Variants in SERPINE2 observed in about 807,000 individuals in gnomAD.
SERPINE2 encodes the protein serpin family E member 2.
Under a neutral mutation model 36.3 loss-of-function variants are expected in SERPINE2, and 14 were observed. The observed-to-expected ratio is 0.39, with a 90% CI of 0.25 to 0.60. The LOEUF is 0.60. Among genes scored for constraint, SERPINE2 ranks in the 20% least tolerant of loss-of-function variants. SERPINE2 has a pLI of 0.57. For synonymous variants in SERPINE2, 192 were observed against 191.8 expected, an observed-to-expected ratio of 1.00 and a Z score of -0.01; for missense variants, 418 against 499.6, an observed-to-expected ratio of 0.84 and a Z score of 1.56.
Position 223,977,660 on chromosome 2 carries a change from A to G in SERPINE2, c.1073-33T>C, listed in dbSNP as rs376730101. On this transcript the variant is annotated intron_variant, in intron 7 of 8. Coordinates refer to ENST00000409304, the MANE Select transcript of SERPINE2 (RefSeq NM_001136528.2). ...AAGAAAAGGAAAATGTGTTGTGCACATTACATGAGACCATGTAAGCATAAG... is the reference window on the plus strand; with the variant it reads ...AAGAAAAGGAAAATGTGTTGTGCACGTTACATGAGACCATGTAAGCATAAG... 1.9e-5 allele frequency: 28 copies of G among 1,442,804 alleles called. No homozygotes were observed. In the African/African-American group the frequency reaches 3.5e-4, roughly 18 times the overall value. 89.4% of individuals were successfully genotyped at this position (1,442,804 alleles called of 1,614,324 possible).
At chr2:223,995,493 T>C (rs1690846276) in intron 3 of SERPINE2, among the ~76,000 whole-genome samples, 1 of 152,218 alleles carries the variant, frequency 6.6e-6, no homozygotes, top group Admixed American at 6.5e-5. Flanking sequence ...TTGTGCTGCT[T>C]CTCCCGTGGC....
Position 223,987,398 on chromosome 2 carries a change from G to C in SERPINE2, c.686-2448C>G, listed in dbSNP as rs1382129375. Reference sequence around the variant, plus strand: ...ACAACTCCCAAGCAGAATGAATCAAGTAAGGAAGGGGACTTGGGAGCCTTG... The same window carrying C: ...ACAACTCCCAAGCAGAATGAATCAACTAAGGAAGGGGACTTGGGAGCCTTG... On this transcript the variant is annotated intron_variant, in intron 4 of 8. Transcript: ENST00000409304. Among the ~76,000 whole-genome samples the C allele has an allele frequency of 3.3e-5, 5 of 152,082 alleles. No homozygotes were observed. In the East Asian group the frequency reaches 9.6e-4, roughly 29 times the overall value.
intron 6 of SERPINE2, chr2:223,982,065 A>C (rs1690244436): frequency 6.6e-6 from 1 of 151,956 alleles, no homozygotes; most frequent in African/African-American, 2.4e-5. Flanking sequence ...GGGGACGCTG[A>C]TTTAAATGAA....
At chr2:224,012,629 G>A (rs992200590) in intron 1 of SERPINE2, among the ~76,000 whole-genome samples, 2 of 151,500 alleles carry the variant, frequency 1.3e-5, no homozygotes, top group African/African-American at 4.9e-5. Context: ...TTATACACAG[G>A]CACAAAAAAA....
At chr2:224,030,257 G>T (rs1692318073) in intron 1 of SERPINE2, 1 of 983,082 alleles carries the variant, frequency 1.0e-6, no homozygotes, top group Admixed American at 6.1e-5. Flanking sequence ...ACTGCCCACT[G>T]AGAGTGCAGC....
At chr2:224,034,562 G>T (rs909015628) in intron 1 of SERPINE2, among the ~76,000 whole-genome samples, 8 of 152,150 alleles carry the variant, frequency 5.3e-5, no homozygotes, top group African/African-American at 1.9e-4. Context: ...GAGCACTGTG[G>T]AAAGTTCCCT....
intron 7 of SERPINE2, chr2:223,978,729 G>A (rs1347927847): frequency 6.6e-6 from 1 of 152,206 alleles, no homozygotes; most frequent in Non-Finnish European, 1.5e-5. Flanking sequence ...CTGCAGTTAT[G>A]CTGGGGCAAG....
intron 8 of SERPINE2, among the ~76,000 whole-genome samples, chr2:223,977,209 T>C (rs774446905): frequency 2.0e-5 from 3 of 152,220 alleles, no homozygotes; most frequent in Non-Finnish European, 4.4e-5. Flanking sequence ...TGAAGTTATA[T>C]AGCTTCTAGC....
intron 4 of SERPINE2, among the ~76,000 whole-genome samples, chr2:223,987,659 T>C (rs1321994290): frequency 6.6e-6 from 1 of 152,202 alleles, no homozygotes; most frequent in Non-Finnish European, 1.5e-5. Flanking sequence ...AAACTTCTAA[T>C]GGGAGACAAT....
In SERPINE2 at chr2:224,024,092, A is replaced by G. The variant is rs114577183; in HGVS notation, c.-23+15007T>C. Among the ~76,000 whole-genome samples the G allele has an allele frequency of 3.9e-3, 600 of 152,334 alleles. 4 individuals are homozygous for G. Among genetic ancestry groups the G allele is most frequent in the African/African-American group, 0.014 (564 of 41,568 alleles). On this transcript the variant is annotated intron_variant, in intron 1 of 8. Coordinates refer to ENST00000409304, the MANE Select transcript of SERPINE2 (RefSeq NM_001136528.2). ...ATAGTAAGTAAATAAAAATATATGT[A>G]TCTGTAGGCACAAGGTATAGAAATA...
intron 5 of SERPINE2, among the ~76,000 whole-genome samples, chr2:223,983,701 C>T (rs991519939): frequency 3.0e-4 from 43 of 142,348 alleles, no homozygotes; most frequent in African/African-American, 7.4e-4. Context: ...TATGCACACA[C>T]ACACACACAC....
At chr2:224,036,568 C>T (rs944287942) in intron 1 of SERPINE2, among the ~76,000 whole-genome samples, 3 of 150,522 alleles carry the variant, frequency 2.0e-5, no homozygotes, top group Admixed American at 1.3e-4. Context: ...ACCACCATGG[C>T]ACGTGTATAC....
At chr2:223,985,621 G>T (rs761638138) in intron 4 of SERPINE2, among the ~76,000 whole-genome samples, 2 of 152,116 alleles carry the variant, frequency 1.3e-5, no homozygotes, top group Non-Finnish European at 2.9e-5. Flanking sequence ...CCTTCAACAG[G>T]CTGAGGATCT....
chr2:223,988,901 C>A (rs986164536), intron 4 of SERPINE2, among the ~76,000 whole-genome samples: 1 of 152,166 alleles, frequency 6.6e-6, no homozygotes, highest in African/African-American at 2.4e-5. Flanking sequence ...TGTCCACTCT[C>A]TAATGAAAGC....
At chr2:224,014,352 G>C (rs1691726157) in intron 1 of SERPINE2, among the ~76,000 whole-genome samples, 1 of 151,858 alleles carries the variant, frequency 6.6e-6, no homozygotes, top group Non-Finnish European at 1.5e-5. Flanking sequence ...TCCAGCCTGA[G>C]CAACAATCAA....
chr2:224,038,556 G>T lies in SERPINE2; in HGVS notation c.-23+543C>A, dbSNP rs1692604863. ...TGATGAAAATAGCAAAGACCTGCTCGCTCGGGTTAAATCGGCTGCCAGAGG... is the reference window on the plus strand; with the variant it reads ...TGATGAAAATAGCAAAGACCTGCTCTCTCGGGTTAAATCGGCTGCCAGAGG... On this transcript the variant is annotated intron_variant, in intron 1 of 8. Transcript: ENST00000409304. The T allele has an allele frequency of 3.9e-6, 6 of 1,540,924 alleles. No homozygotes were observed. In the Admixed American group the frequency reaches 9.8e-5, roughly 25 times the overall value.
At chr2:224,031,554 T>A in intron 1 of SERPINE2, 1 of 958,184 alleles carries the variant, frequency 1.0e-6, no homozygotes, top group African/African-American at 1.8e-5. Context: ...CGGAAGGGCA[T>A]GTGACCACGT....
intron 1 of SERPINE2, among the ~76,000 whole-genome samples, chr2:224,033,010 A>C (rs553986570): frequency 6.6e-6 from 1 of 152,368 alleles, no homozygotes; most frequent in South Asian, 2.1e-4. Flanking sequence ...TCAAAAGAGA[A>C]ATAAAATCAT....
Position 223,977,907 on chromosome 2 carries a change from G to A in SERPINE2, c.1073-280C>T, listed in dbSNP as rs538141129. On this transcript the variant is annotated intron_variant, in intron 7 of 8. Coordinates refer to ENST00000409304, the MANE Select transcript of SERPINE2 (RefSeq NM_001136528.2). ...CATAGAGTTTTGATGAGAATTAAAT[G>A]ACATAATTAAATGACATAAGATATA... The A allele has an allele frequency of 5.0e-4, 175 of 351,270 alleles. 6 individuals are homozygous for A. In the South Asian group the frequency reaches 6.7e-3, roughly 13 times the overall value. 21.8% of individuals were successfully genotyped at this position (351,270 alleles called of 1,614,324 possible).
Sources: allele counts gnomAD v4.1 joint callset (sites outside exome capture counted in the v4.1 genomes callset), GRCh38; gene constraint gnomAD v4.1.1; transcripts MANE v1.5; gene names NCBI Gene and HGNC (gene_info 2026-07-23, HGNC 2026-07-21).